TOP2B: variants seen among roughly 807,000 people sequenced by gnomAD.
The protein encoded by TOP2B is DNA topoisomerase II beta, also known as DNA topoisomerase 2-beta.
A neutral mutation model predicts 193.5 loss-of-function variants in TOP2B; 51 were observed. The ratio of observed to expected loss-of-function variants is 0.26; its 90% CI spans 0.21 to 0.33. TOP2B has a LOEUF of 0.33. Among genes scored for constraint, TOP2B ranks in the 10% least tolerant of loss-of-function variants. The probability of loss-of-function intolerance (pLI) is 1.00; values close to 1 mark genes in which losing one functional copy is unlikely to be tolerated. For synonymous variants in TOP2B, 634 were observed against 635.7 expected (o/e 1.00, Z 0.04); for missense variants, 1,378 against 1,909.3 (o/e 0.72, Z 5.19).
chr3:25,649,847 T>C (rs1489942077), intron 1 of TOP2B, among the ~76,000 whole-genome samples: 1 of 151,962 alleles, frequency 6.6e-6, no homozygotes, highest in African/African-American at 2.4e-5. Context: ...CTCCAAAAAG[T>C]TCTTGGAAAA....
At chr3:25,629,260 G>A (rs1702889930) in intron 13 of TOP2B, 115 bp from the exon 14 acceptor site, 3 of 671,236 alleles carry the variant, frequency 4.5e-6, no homozygotes, top group Non-Finnish European at 4.7e-6. Context: ...TTTTAGAAAT[G>A]CATTTTACAA....
chr3:25,661,875 A>G (rs1396420465), intron 1 of TOP2B, among the ~76,000 whole-genome samples: 1 of 152,180 alleles, frequency 6.6e-6, no homozygotes. Flanking sequence ...ACCCAGAAGA[A>G]AGAAATCAGG....
intron 1 of TOP2B, among the ~76,000 whole-genome samples, chr3:25,646,150 C>G (rs376946408): frequency 1.1e-4 from 17 of 152,060 alleles, no homozygotes; most frequent in East Asian, 9.7e-4. Context: ...ATGACTGAAC[C>G]TGGCTAGGTG....
chr3:25,598,194 C>A lies in TOP2B; in HGVS notation c.*113G>T, dbSNP rs1389408557. 2 of 1,139,728 alleles carry A rather than the reference C, an allele frequency of 1.8e-6. No homozygotes were observed. The highest frequency in any genetic ancestry group is 1.6e-5 in the African/African-American group (1 of 64,084). 70.6% of individuals were successfully genotyped at this position (1,139,728 alleles called of 1,614,324 possible). On this transcript the variant is annotated 3_prime_UTR_variant, in exon 36 of 36. Coordinates refer to ENST00000264331, the MANE Select transcript of TOP2B (RefSeq NM_001330700.2). ...AAAGGCCTACCACAATAATAAAAAA[C>A]CGTCAATTACATCATCACATTAAAA...
Position 25,642,311 on chromosome 3 carries a change from A to C in TOP2B, c.395+11T>G, listed in dbSNP as rs770074998. On this transcript the variant is annotated intron_variant, in intron 4 of 35. Transcript: ENST00000264331. ...ACTTAGCATAAAAAATTAAACTTTA[A>C]ATATACTTACGGATCAATAGAAACT... The C allele has an allele frequency of 4.0e-6, 6 of 1,505,142 alleles. No individual in the cohort carries two copies. In the South Asian group the frequency reaches 7.4e-5, roughly 18 times the overall value. 93.2% of individuals were successfully genotyped at this position (1,505,142 alleles called of 1,614,324 possible).
intron 1 of TOP2B, among the ~76,000 whole-genome samples, chr3:25,659,690 T>C (rs889452883): frequency 4.6e-5 from 7 of 152,210 alleles, no homozygotes; most frequent in Non-Finnish European, 2.9e-5. Flanking sequence ...ACACATATTC[T>C]GAAAAGGAAA....
intron 1 of TOP2B, among the ~76,000 whole-genome samples, chr3:25,648,388 T>A (rs942316498): frequency 6.6e-6 from 1 of 152,092 alleles, no homozygotes; most frequent in Non-Finnish European, 1.5e-5. Context: ...TGCATCCCCA[T>A]AAAAGATTTG....
chr3:25,621,332 A>G (rs1162459352), intron 21 of TOP2B, among the ~76,000 whole-genome samples: 2 of 151,944 alleles, frequency 1.3e-5, no homozygotes, highest in African/African-American at 4.8e-5. Context: ...ATCCTTCCCA[A>G]CTGAATTACA....
intron 25 of TOP2B, 95 bp downstream of exon 25, chr3:25,618,323 T>C: frequency 1.2e-6 from 1 of 800,584 alleles, no homozygotes; most frequent in South Asian, 1.5e-5. Context: ...GCACCTTTAG[T>C]AGTACTAAAT....
intron 1 of TOP2B, among the ~76,000 whole-genome samples, chr3:25,652,312 T>C (rs935969830): frequency 2.6e-5 from 4 of 152,156 alleles, no homozygotes; most frequent in Admixed American, 6.5e-5. Context: ...AACAACACTA[T>C]AGACCAATTG....
intron 1 of TOP2B, among the ~76,000 whole-genome samples, chr3:25,650,501 T>G (rs944535268): frequency 6.6e-6 from 1 of 152,252 alleles, no homozygotes; most frequent in African/African-American, 2.4e-5. Context: ...GTCAGTATCT[T>G]GATCCCATTT....
At position 25,605,996 on chromosome 3, in the gene TOP2B, C is replaced by T. The variant is rs755294403; in HGVS notation, c.4378+47G>A. ...TTTATTTACTGTTTTCTCTCCACCA[C>T]TAAAAGCAATAATACAATAACCAAT... On this transcript the variant is annotated intron_variant, in intron 32 of 35. Coordinates refer to ENST00000264331, the MANE Select transcript of TOP2B (RefSeq NM_001330700.2). 12 of 1,112,914 alleles carry T rather than the reference C, an allele frequency of 1.1e-5. No homozygotes were observed. In the South Asian group the frequency reaches 3.0e-4, roughly 28 times the overall value. 68.9% of individuals were successfully genotyped at this position (1,112,914 alleles called of 1,614,324 possible). A position where few individuals can be genotyped will look rare whatever the true frequency, so the allele number is the denominator to read the frequency against.
intron 20 of TOP2B, 111 bp downstream of exon 20, chr3:25,624,186 G>T: frequency 7.8e-7 from 1 of 1,285,960 alleles, no homozygotes. Flanking sequence ...CACCTTCTAA[G>T]TAGAATAACC....
At chr3:25,637,576 T>G (rs1192893649) in intron 5 of TOP2B, among the ~76,000 whole-genome samples, 1 of 152,078 alleles carries the variant, frequency 6.6e-6, no homozygotes, top group East Asian at 1.9e-4. Flanking sequence ...TTAAGCTTTG[T>G]ATCTTTCACG....
In TOP2B at chr3:25,643,789, A is replaced by G. The variant is rs758023116; in HGVS notation, c.241-5T>C. The G allele has an allele frequency of 1.4e-5, 22 of 1,611,058 alleles. No homozygotes were observed. Among genetic ancestry groups the G allele is most frequent in the Non-Finnish European group, 1.6e-5 (19 of 1,178,242 alleles). ...TTCATCATACACCCACATGAACTGC[A>G]TTGAAAAATTCAAAAAAAATTTTAC... On this transcript the variant is annotated splice_region_variant and splice_polypyrimidine_tract_variant and intron_variant, in intron 2 of 35. Transcript: ENST00000264331.
rs137994081 is a variant in TOP2B, at chr3:25,629,752, TCTTA to T, written c.1689+273_1689+276del. 3.1e-4 allele frequency among the ~76,000 whole-genome samples: 47 copies of T among 151,694 alleles called. No individual in the cohort carries two copies. In the East Asian group the frequency reaches 8.9e-3, roughly 29 times the overall value. ...AATATTAACCCTTATCATTAATCTT[TCTTA>T]CTTGTTAATTCCATAATTTTGTTCC... is the stretch of plus-strand genomic sequence containing the variant. On this transcript the variant is annotated intron_variant, in intron 13 of 35. Transcript: ENST00000264331.
In TOP2B at chr3:25,632,914, G is replaced by A. The variant is rs539716904; in HGVS notation, c.1027-120C>T. 189 of 813,642 alleles carry A rather than the reference G, an allele frequency of 2.3e-4. 2 individuals carry two copies. The South Asian group carries it at 2.8e-3, about 12-fold the overall frequency. 50.4% of individuals were successfully genotyped at this position (813,642 alleles called of 1,614,324 possible). A position where few individuals can be genotyped will look rare whatever the true frequency, so the allele number is the denominator to read the frequency against. On this transcript the variant is annotated intron_variant, in intron 8 of 35. Coordinates refer to ENST00000264331, the MANE Select transcript of TOP2B (RefSeq NM_001330700.2). The stretch of plus-strand genomic sequence containing the variant: ...AATAGAGTCTCAGAACGAGAGTTGA[G>A]ATTTTAAAAAAATAAGACATTTTGG...
intron 1 of TOP2B, among the ~76,000 whole-genome samples, chr3:25,652,952 C>T (rs1013022155): frequency 1.2e-4 from 18 of 151,588 alleles, no homozygotes; most frequent in Admixed American, 3.3e-4. Flanking sequence ...AAATTAGAAA[C>T]GAAAGGGGAC....
chr3:25,656,847 A>T (rs559355001), intron 1 of TOP2B, among the ~76,000 whole-genome samples: 12 of 152,352 alleles, frequency 7.9e-5, no homozygotes, highest in Non-Finnish European at 1.3e-4. Context: ...GAATGCATAA[A>T]GAAATATGTT....
Sources: gnomAD v4.1 joint callset for allele counts (sites outside exome capture counted in the v4.1 genomes callset) on GRCh38, gnomAD v4.1.1 for gene constraint, MANE v1.5 for transcripts, NCBI Gene and HGNC (gene_info 2026-07-23, HGNC 2026-07-21) for gene names.